RDH10: variants seen among roughly 807,000 people sequenced by gnomAD.
RDH10 encodes retinol dehydrogenase 10, also known as retinol dehydrogenase 10 (all-trans).
In RDH10, 12 loss-of-function variants were observed where a neutral mutation model predicts 30.2. That is an observed-to-expected ratio of 0.40 (90% CI 0.25 to 0.64). RDH10 has a LOEUF of 0.64. Among genes scored for constraint, RDH10 ranks in the 30% least tolerant of loss-of-function variants. The probability of loss-of-function intolerance (pLI) is 0.43; values close to 1 mark genes in which losing one functional copy is unlikely to be tolerated. For missense variants in RDH10, 268 were observed against 445.2 expected (o/e 0.60, Z 3.58); for synonymous variants, 189 against 172.2 (o/e 1.10, Z -0.76).
intron 2 of RDH10, among the ~76,000 whole-genome samples, chr8:73,306,481 CA>C (rs1198350798): frequency 6.6e-6 from 1 of 152,204 alleles, no homozygotes; most frequent in Non-Finnish European, 1.5e-5. Flanking sequence ...AAGTGAGCCA[CA>C]GGGGGAAAAA....
rs764330437 is a variant in RDH10 at position 73,295,253 on chromosome 8, G to T, written c.-37G>T. On this transcript the variant is annotated 5_prime_UTR_variant, in exon 1 of 6. Coordinates refer to ENST00000240285, the MANE Select transcript of RDH10 (RefSeq NM_172037.5). ...TGCCGGGCTCGGGGTGGGCGCGGAC[G>T]CAGGCACTGGGCTCGTGCGGGGCCC... The T allele has an allele frequency of 6.6e-7, 1 of 1,511,996 alleles. No homozygotes were observed. The highest frequency in any genetic ancestry group is 2.1e-5 in the Admixed American group (1 of 47,914). 93.7% of individuals were successfully genotyped at this position (1,511,996 alleles called of 1,614,324 possible).
At chr8:73,316,992 T>TGG (rs1182055542) in intron 2 of RDH10, among the ~76,000 whole-genome samples, 1 of 152,040 alleles carries the variant, frequency 6.6e-6, no homozygotes, top group East Asian at 1.9e-4. Flanking sequence ...GAGATTTGGG[T>TGG]GGGGGCACAG....
At chr8:73,296,079 A>G (rs1024672296) in intron 1 of RDH10, among the ~76,000 whole-genome samples, 2 of 152,236 alleles carry the variant, frequency 1.3e-5, no homozygotes, top group Non-Finnish European at 2.9e-5. Flanking sequence ...TTCGCCAGCG[A>G]TAAGTGCTTT....
rs1243654469 is a variant in RDH10 at position 73,294,723 on chromosome 8, T to C, written c.-567T>C. ...AGCCCTCGGGGGCAGCTGCAAGGCG[T>C]TGGGCAGCGCTTGCCTGCGCCGAGC... On this transcript the variant is annotated 5_prime_UTR_variant, in exon 1 of 6. Coordinates refer to ENST00000240285, the MANE Select transcript of RDH10 (RefSeq NM_172037.5). The C allele has an allele frequency of 5.4e-6, 2 of 367,286 alleles. No homozygotes were observed. The highest frequency in any genetic ancestry group is 2.1e-5 in the African/African-American group (1 of 47,090). 22.8% of individuals were successfully genotyped at this position (367,286 alleles called of 1,614,324 possible).
At chr8:73,305,270 T>G (rs566707344) in intron 2 of RDH10, among the ~76,000 whole-genome samples, 5 of 152,240 alleles carry the variant, frequency 3.3e-5, no homozygotes, top group African/African-American at 1.2e-4. Flanking sequence ...ATTTTTGAGA[T>G]CTTTGGGAAA....
rs1359691715 is a variant in RDH10, at chr8:73,323,377, AT to A, written c.*346del. 5.6e-6 allele frequency: 1 copy of A among 179,396 alleles called. No homozygotes were observed. The highest frequency in any genetic ancestry group is 2.4e-5 in the African/African-American group (1 of 42,432). The allele number at this position is 179,396 out of a possible 1,614,324, so 11.1% of individuals were successfully genotyped here. On this transcript the variant is annotated 3_prime_UTR_variant, in exon 6 of 6. Coordinates refer to ENST00000240285, the MANE Select transcript of RDH10 (RefSeq NM_172037.5). ...CTAGACTGTATGTTTCATGTGTGTG[AT>A]TTTTCAGAATTCCCAGAGTTTACTC... is the stretch of plus-strand genomic sequence containing the variant.
intron 2 of RDH10, among the ~76,000 whole-genome samples, chr8:73,300,810 A>T (rs1005814675): frequency 6.6e-6 from 1 of 152,204 alleles, no homozygotes; most frequent in African/African-American, 2.4e-5. Flanking sequence ...TTCCCACTGC[A>T]GCACTTCTGG....
rs188771932 is a variant in RDH10, at chr8:73,315,538, A to C, written c.526-3558A>C. On this transcript the variant is annotated intron_variant, in intron 2 of 5. Transcript: ENST00000240285. ...AACAAATTACACTTAAAGAACAGTT[A>C]GGAACTTGTTAATCTTCTGTCACCT... 6.9e-3 allele frequency: 3,146 copies of C among 453,652 alleles called. 22 individuals carry two copies. The highest frequency in any genetic ancestry group is 0.011 in the Non-Finnish European group (2,458 of 225,600). 28.1% of individuals were successfully genotyped at this position (453,652 alleles called of 1,614,324 possible).
rs189035924 is a variant in RDH10, at chr8:73,296,823, C to T, written c.290-371C>T. On this transcript the variant is annotated intron_variant, in intron 1 of 5. Coordinates refer to ENST00000240285, the MANE Select transcript of RDH10 (RefSeq NM_172037.5). ...AGCTGTTTCTCTTGGGCCACTGTTT[C>T]CCCAAAAAAAGAGGAGTGTGTAGTG... Among the ~76,000 whole-genome samples the T allele has an allele frequency of 1.5e-3, 222 of 152,180 alleles. 1 individual carries two copies. The highest frequency in any genetic ancestry group is 5.0e-3 in the African/African-American group (209 of 41,508).
At chr8:73,319,231 G>A in intron 3 of RDH10, 37 bp downstream of exon 3, 2 of 1,428,780 alleles carry the variant, frequency 1.4e-6, no homozygotes, top group South Asian at 1.2e-5. Flanking sequence ...CGTTCAATCT[G>A]TTTATCCTGT....
chr8:73,304,966 T>A (rs1814442799), intron 2 of RDH10, among the ~76,000 whole-genome samples: 1 of 152,198 alleles, frequency 6.6e-6, no homozygotes, highest in Non-Finnish European at 1.5e-5. Flanking sequence ...GAAGCAAAGT[T>A]GGTATTTGTT....
Position 73,295,156 on chromosome 8 carries a change from C to A in RDH10, c.-134C>A. On this transcript the variant is annotated 5_prime_UTR_variant, in exon 1 of 6. Transcript: ENST00000240285. ...GCGCACTCCAACCCGGCGGGCACCT[C>A]GGGGGCGGGCGCGGGGCGCAGCCTT... 2 of 859,134 alleles carry A rather than the reference C, an allele frequency of 2.3e-6. No individual in the cohort carries two copies. Among genetic ancestry groups the A allele is most frequent in the Non-Finnish European group, 3.3e-6 (2 of 610,336 alleles). 53.2% of individuals were successfully genotyped at this position (859,134 alleles called of 1,614,324 possible).
intron 2 of RDH10, among the ~76,000 whole-genome samples, chr8:73,301,705 G>A (rs1814380093): frequency 6.6e-6 from 1 of 152,170 alleles, no homozygotes; most frequent in South Asian, 2.1e-4. Flanking sequence ...GCAGTGAGCA[G>A]ACATGGCGCC....
At chr8:73,320,258 A>G (rs933181891) in intron 3 of RDH10, among the ~76,000 whole-genome samples, 1 of 152,216 alleles carries the variant, frequency 6.6e-6, no homozygotes, top group Admixed American at 6.5e-5. Context: ...AATTTTCCAG[A>G]CACTTCAAAG....
chr8:73,295,756 C>G (rs1484257687), intron 1 of RDH10, 178 bp downstream of exon 1: 9 of 917,704 alleles, frequency 9.8e-6, no homozygotes, highest in Non-Finnish European at 1.4e-5. Context: ...GCGATCACTT[C>G]TGTATTACCA....
At chr8:73,311,238 CA>C (rs1814559383) in intron 2 of RDH10, 1 of 152,190 alleles carries the variant, frequency 6.6e-6, no homozygotes, top group Non-Finnish European at 1.5e-5. Flanking sequence ...GGTCAAGTAA[CA>C]AAAGGAAGGT....
intron 2 of RDH10, among the ~76,000 whole-genome samples, chr8:73,317,048 G>A (rs934310617): frequency 6.6e-6 from 1 of 152,224 alleles, no homozygotes; most frequent in African/African-American, 2.4e-5. Context: ...CTGTCTCAGT[G>A]TAGCAAGGTA....
intron 1 of RDH10, 191 bp from the exon 2 acceptor site, chr8:73,297,003 C>T (rs775158446): frequency 5.3e-6 from 3 of 569,860 alleles, no homozygotes; most frequent in Non-Finnish European, 9.4e-6. Flanking sequence ...TGCTGTAATT[C>T]CCAAAGACTT....
At chr8:73,305,245 C>T (rs887779452) in intron 2 of RDH10, among the ~76,000 whole-genome samples, 2 of 152,222 alleles carry the variant, frequency 1.3e-5, no homozygotes, top group Non-Finnish European at 2.9e-5. Flanking sequence ...TGTTTTTACT[C>T]TGATCATGCT....
Sources: gnomAD v4.1 joint callset for allele counts (sites outside exome capture counted in the v4.1 genomes callset) on GRCh38, gnomAD v4.1.1 for gene constraint, MANE v1.5 for transcripts, NCBI Gene and HGNC (gene_info 2026-07-23, HGNC 2026-07-21) for gene names.